Variants in EPHB1 observed in about 807,000 individuals in gnomAD.
EPHB1 encodes ephrin type-B receptor 1.
In EPHB1, 30 loss-of-function variants were observed where a neutral mutation model predicts 94.4. The observed-to-expected ratio is 0.32, with a 90% CI of 0.24 to 0.43. The LOEUF is 0.43. Ranked by LOEUF, EPHB1 falls within the 20% of genes least tolerant of loss-of-function variation. The pLI, the probability that EPHB1 is intolerant of heterozygous loss-of-function variation, is 1.00. For synonymous variants in EPHB1, 522 were observed against 489.1 expected (o/e 1.07, Z -0.89); for missense variants, 1,055 against 1,308.3 (o/e 0.81, Z 2.99).
chr3:134,927,330 A>G (rs2038814465), intron 2 of EPHB1, among the ~76,000 whole-genome samples: 1 of 152,244 alleles, frequency 6.6e-6, no homozygotes, highest in Admixed American at 6.5e-5. Context: ...TGCTCGAGGC[A>G]TAAGCATGAT....
chr3:134,965,388 C>A (rs1453502641), intron 3 of EPHB1, among the ~76,000 whole-genome samples: 1 of 152,156 alleles, frequency 6.6e-6, no homozygotes, highest in Non-Finnish European at 1.5e-5. Context: ...GCCTACCTAC[C>A]CTGCCCACTT....
intron 2 of EPHB1, among the ~76,000 whole-genome samples, chr3:134,942,577 G>C (rs1011802522): frequency 2.0e-5 from 3 of 152,232 alleles, no homozygotes; most frequent in African/African-American, 7.2e-5. Flanking sequence ...GGGCAAGGTG[G>C]TGCATCCCGG....
chr3:135,227,963 T>G (rs2107722844), intron 12 of EPHB1, among the ~76,000 whole-genome samples: 1 of 152,300 alleles, frequency 6.6e-6, no homozygotes, highest in South Asian at 2.1e-4. Context: ...CTTAGACTCT[T>G]CGTGTGTATT....
At chr3:135,194,171 G>T (rs1475168356) in intron 11 of EPHB1, among the ~76,000 whole-genome samples, 1 of 152,122 alleles carries the variant, frequency 6.6e-6, no homozygotes, top group African/African-American at 2.4e-5. Flanking sequence ...GAGAAAACAG[G>T]CCCCACATTT....
intron 3 of EPHB1, among the ~76,000 whole-genome samples, chr3:134,970,695 C>A (rs1026158872): frequency 1.3e-5 from 2 of 152,122 alleles, no homozygotes; most frequent in Non-Finnish European, 2.9e-5. Flanking sequence ...CCCTAGGCCA[C>A]ACGGCTGCAG....
intron 2 of EPHB1, among the ~76,000 whole-genome samples, chr3:134,940,075 A>G (rs1435992739): frequency 6.6e-6 from 1 of 152,158 alleles, no homozygotes; most frequent in African/African-American, 2.4e-5. Context: ...CCCAGAGGGA[A>G]AGGGAAGGGG....
At chr3:135,194,074 A>C (rs1942532873) in intron 11 of EPHB1, among the ~76,000 whole-genome samples, 1 of 152,168 alleles carries the variant, frequency 6.6e-6, no homozygotes, top group South Asian at 2.1e-4. Flanking sequence ...CCAAGAGAGG[A>C]ATGAGGAATC....
At chr3:135,054,150 T>TC (rs1236329877) in intron 3 of EPHB1, among the ~76,000 whole-genome samples, 1 of 151,890 alleles carries the variant, frequency 6.6e-6, no homozygotes, top group Non-Finnish European at 1.5e-5. Flanking sequence ...AAGCAGATTA[T>TC]CCCCCATAAT....
chr3:135,087,099 C>A (rs1049800111), intron 3 of EPHB1, among the ~76,000 whole-genome samples: 1 of 152,174 alleles, frequency 6.6e-6, no homozygotes. Context: ...TGTCAAAACC[C>A]TTTAGCTCCT....
At chr3:134,896,448 C>T (rs936491513) in intron 1 of EPHB1, among the ~76,000 whole-genome samples, 5 of 152,160 alleles carry the variant, frequency 3.3e-5, no homozygotes, top group Admixed American at 1.3e-4. Context: ...GCCTGGCACA[C>T]GGTGAGCACC....
intron 12 of EPHB1, among the ~76,000 whole-genome samples, chr3:135,231,016 C>T (rs913780475): frequency 3.3e-5 from 5 of 152,128 alleles, no homozygotes; most frequent in African/African-American, 1.2e-4. Flanking sequence ...TCATGAATAG[C>T]GAGGCGATGA....
intron 3 of EPHB1, among the ~76,000 whole-genome samples, chr3:135,022,937 G>A (rs1256539848): frequency 1.3e-5 from 2 of 152,172 alleles, no homozygotes; most frequent in Non-Finnish European, 2.9e-5. Context: ...CTTGAAGTGT[G>A]TTTGTTGCTC....
intron 3 of EPHB1, among the ~76,000 whole-genome samples, chr3:135,072,412 G>T (rs1937754248): frequency 6.6e-6 from 1 of 152,014 alleles, no homozygotes; most frequent in African/African-American, 2.4e-5. Context: ...AAGTAAAACA[G>T]CCACTTTCCT....
At position 135,007,216 on chromosome 3, in the gene EPHB1, G is replaced by A. The variant is rs564173558; in HGVS notation, c.805+55164G>A. 2.2e-4 allele frequency among the ~76,000 whole-genome samples: 34 copies of A among 152,238 alleles called. No homozygotes were observed. The South Asian group carries it at 6.6e-3, about 30-fold the overall frequency. ...GACCTGAGGGTCCCAGCTGCCTAAC[G>A]CAGTAGCAATTCTCTAGACACTCCC... On this transcript the variant is annotated intron_variant, in intron 3 of 15. Transcript: ENST00000398015.
At chr3:135,128,279 G>T (rs1293822684) in intron 4 of EPHB1, among the ~76,000 whole-genome samples, 2 of 152,224 alleles carry the variant, frequency 1.3e-5, no homozygotes, top group African/African-American at 4.8e-5. Flanking sequence ...ATGTTGCTGG[G>T]GTCCCAGATT....
intron 3 of EPHB1, among the ~76,000 whole-genome samples, chr3:134,986,932 C>A (rs1161249148): frequency 6.6e-6 from 1 of 151,948 alleles, no homozygotes; most frequent in Non-Finnish European, 1.5e-5. Flanking sequence ...TGCATTTAGC[C>A]CTTTTGTGTT....
intron 11 of EPHB1, 87 bp downstream of exon 11, chr3:135,192,910 A>G (rs114308712): frequency 6.5e-6 from 10 of 1,530,208 alleles, no homozygotes; most frequent in East Asian, 2.3e-5. Flanking sequence ...CAACCTACCA[A>G]TCAGGAATCG....
chr3:135,258,322 T>G (rs13085606), intron 15 of EPHB1, among the ~76,000 whole-genome samples: 2 of 152,068 alleles, frequency 1.3e-5, no homozygotes, highest in Non-Finnish European at 2.9e-5. Flanking sequence ...AATGAGATAG[T>G]GTATGGCACG....
At chr3:134,872,522 C>T (rs2037521515) in intron 1 of EPHB1, among the ~76,000 whole-genome samples, 1 of 152,190 alleles carries the variant, frequency 6.6e-6, no homozygotes, top group Admixed American at 6.5e-5. Flanking sequence ...ATTTTTATAG[C>T]CAACCTGTCA....
Sources: allele counts gnomAD v4.1 joint callset (sites outside exome capture counted in the v4.1 genomes callset), GRCh38; gene constraint gnomAD v4.1.1; transcripts MANE v1.5; gene names NCBI Gene and HGNC (gene_info 2026-07-23, HGNC 2026-07-21).